Variants in CFTR observed in about 807,000 individuals in gnomAD.
CFTR encodes the protein cystic fibrosis transmembrane conductance regulator.
CFTR carries 181 observed loss-of-function variants against 171.6 expected under a neutral mutation model. The ratio of observed to expected loss-of-function variants is 1.05; its 90% CI spans 0.93 to 1.19. The LOEUF is 1.19. CFTR is among the 50% of genes most tolerant of loss of function. The pLI is 0.00. For missense variants in CFTR, 1,968 were observed against 1,734.7 expected, an observed-to-expected ratio of 1.13 and a Z score of -2.39; for synonymous variants, 583 against 608.0, an observed-to-expected ratio of 0.96 and a Z score of 0.60.
intron 12 of CFTR, among the ~76,000 whole-genome samples, chr7:117,589,539 A>G (rs1194248893): frequency 1.3e-5 from 2 of 152,016 alleles, no homozygotes; most frequent in Non-Finnish European, 2.9e-5. Flanking sequence ...TTCTATTAAT[A>G]TGGGAACTGT....
At chr7:117,563,953 T>A (rs1791557282) in intron 11 of CFTR, among the ~76,000 whole-genome samples, 1 of 152,184 alleles carries the variant, frequency 6.6e-6, no homozygotes, top group African/African-American at 2.4e-5. Context: ...ATGTAATGGA[T>A]GTAATGAATT....
At chr7:117,540,533 A>C (rs536718955) in intron 8 of CFTR, among the ~76,000 whole-genome samples, 187 bp downstream of exon 8, 1 of 152,242 alleles carries the variant, frequency 6.6e-6, no homozygotes, top group African/African-American at 2.4e-5. Flanking sequence ...TTCTCTGGAC[A>C]GTATGATGGA....
At chr7:117,636,595 C>T (rs569459343) in intron 22 of CFTR, among the ~76,000 whole-genome samples, 92 of 150,074 alleles carry the variant, frequency 6.1e-4, no homozygotes, top group African/African-American at 2.1e-3. Context: ...TTTTTTCCTT[C>T]GCATTTCAGT....
chr7:117,648,732 A>G (rs145469818), intron 23 of CFTR, among the ~76,000 whole-genome samples: 249 of 152,176 alleles, frequency 1.6e-3, no homozygotes, highest in East Asian at 5.6e-3. Flanking sequence ...AGACCTTTCA[A>G]ATTTGGAGAT....
At chr7:117,587,393 G>A (rs1791952663) in intron 11 of CFTR, among the ~76,000 whole-genome samples, 1 of 152,016 alleles carries the variant, frequency 6.6e-6, no homozygotes, top group African/African-American at 2.4e-5. Context: ...ATTTTAGTAT[G>A]TTGATAACAT....
intron 1 of CFTR, among the ~76,000 whole-genome samples, chr7:117,500,031 T>G (rs1798296133): frequency 6.6e-6 from 1 of 152,112 alleles, no homozygotes; most frequent in Non-Finnish European, 1.5e-5. Flanking sequence ...GTCTGCTTTG[T>G]CTCATGAAAC....
chr7:117,590,396 T>G lies in CFTR; in HGVS notation c.1723T>G (p.Phe575Val). 1 of 1,603,450 alleles carries G rather than the reference T, an allele frequency of 6.2e-7. No individual in the cohort carries two copies. The highest frequency in any genetic ancestry group is 8.5e-7 in the Non-Finnish European group (1 of 1,172,396). The change falls in exon 13 of 27, where the codon TTT (phenylalanine) becomes GTT (valine). Residue 575 changes from phenylalanine to valine, a missense_variant. Physicochemically the swap from Phe to Val is conservative, Grantham distance 50 (BLOSUM62 -1). Transcript: ENST00000003084. ...TGATTTGTATTTATTAGACTCTCCT[T>G]TTGGATACCTAGATGTTTTAACAGA... ...DADLYLLDSP[F>V]GYLDVLTEKE...
chr7:117,499,429 C>CTGTG (rs56985019), intron 1 of CFTR, among the ~76,000 whole-genome samples: 5,149 of 135,808 alleles, frequency 0.038, 155 homozygotes, highest in South Asian at 0.12. Context: ...ATAGTTTCAT[C>CTGTG]TGTGTGTGTG....
chr7:117,501,776 C>CAAAAAAAAAA (rs796991857), intron 1 of CFTR, among the ~76,000 whole-genome samples: 1 of 84,338 alleles, frequency 1.2e-5, no homozygotes, highest in Non-Finnish European at 2.7e-5. Context: ...AAAAAAGAAA[C>CAAAAAAAAAA]AAAAAAAAAA....
chr7:117,654,708 A>G (rs1793142527), intron 24 of CFTR, among the ~76,000 whole-genome samples: 1 of 152,178 alleles, frequency 6.6e-6, no homozygotes, highest in Non-Finnish European at 1.5e-5. Flanking sequence ...AGGCCTTCCC[A>G]GCCATGTGGA....
At chr7:117,645,184 A>G (rs190309172) in intron 23 of CFTR, among the ~76,000 whole-genome samples, 79 of 152,312 alleles carry the variant, frequency 5.2e-4, no homozygotes, top group African/African-American at 1.8e-3. Flanking sequence ...ATGATGATTC[A>G]GCAGTGTAGC....
At position 117,606,663 on chromosome 7, in the gene CFTR, G is replaced by T. The variant is rs375947138; in HGVS notation, c.2909-11G>T. On this transcript the variant is annotated splice_polypyrimidine_tract_variant and intron_variant, in intron 17 of 26. Coordinates refer to ENST00000003084, the MANE Select transcript of CFTR (RefSeq NM_000492.4). ...TGTTTTTTGAGGAATTTGTCATCTT[G>T]TATATTATAGGTGGGATTCTTAATA... The T allele has an allele frequency of 7.1e-7, 1 of 1,417,360 alleles. No homozygotes were observed. Among genetic ancestry groups the T allele is most frequent in the South Asian group, 1.1e-5 (1 of 86,964 alleles). 87.8% of individuals were successfully genotyped at this position (1,417,360 alleles called of 1,614,324 possible).
At chr7:117,514,778 G>A (rs867599583) in intron 3 of CFTR, among the ~76,000 whole-genome samples, 10 of 152,164 alleles carry the variant, frequency 6.6e-5, no homozygotes, top group Middle Eastern at 3.2e-3. Flanking sequence ...CCCACTAACA[G>A]TGTAAAAGCG....
At chr7:117,482,380 G>GA (rs1798011375) in intron 1 of CFTR, among the ~76,000 whole-genome samples, 2 of 151,496 alleles carry the variant, frequency 1.3e-5, no homozygotes, top group Non-Finnish European at 1.5e-5. Flanking sequence ...AAAAAGTTTG[G>GA]AAAAAAAATC....
At chr7:117,545,972 C>T (rs1486011370) in intron 9 of CFTR, among the ~76,000 whole-genome samples, 1 of 150,522 alleles carries the variant, frequency 6.6e-6, no homozygotes, top group Non-Finnish European at 1.5e-5. Flanking sequence ...ACACACACCA[C>T]CATGCCTAGC....
chr7:117,534,469 C>T (rs1798916129), intron 5 of CFTR, 104 bp downstream of exon 5: 3 of 714,300 alleles, frequency 4.2e-6, no homozygotes, highest in Middle Eastern at 2.7e-4. Flanking sequence ...GTGGTTAAGT[C>T]TTGCTCAGCT....
intron 11 of CFTR, among the ~76,000 whole-genome samples, chr7:117,570,268 C>T (rs969904837): frequency 1.6e-4 from 25 of 151,844 alleles, no homozygotes; most frequent in South Asian, 4.2e-4. Context: ...GAAGGTCCTC[C>T]ACTAACTTTC....
chr7:117,522,180 T>C (rs1299624813), intron 3 of CFTR, among the ~76,000 whole-genome samples: 2 of 152,212 alleles, frequency 1.3e-5, no homozygotes, highest in East Asian at 3.8e-4. Flanking sequence ...TCTGAACTCA[T>C]ACTGTTCAGA....
intron 24 of CFTR, among the ~76,000 whole-genome samples, chr7:117,662,673 G>A (rs1793311099): frequency 6.6e-6 from 1 of 152,162 alleles, no homozygotes; most frequent in Admixed American, 6.5e-5. Context: ...TCCCTGGGGT[G>A]TTTGTATGGT....
Sources: allele counts gnomAD v4.1 joint callset (sites outside exome capture counted in the v4.1 genomes callset), GRCh38; gene constraint gnomAD v4.1.1; transcripts MANE v1.5; gene names NCBI Gene and HGNC (gene_info 2026-07-23, HGNC 2026-07-21).